Variants in CCDC141 observed in about 807,000 individuals in gnomAD.
The protein encoded by CCDC141 is coiled-coil domain-containing protein 141.
In CCDC141, 168 loss-of-function variants were observed where a neutral mutation model predicts 181.0. That is an observed-to-expected ratio of 0.93 (90% CI 0.82 to 1.05). The LOEUF (loss-of-function observed/expected upper bound fraction) is 1.05, where lower values mean the gene tolerates loss of function less well. Among genes scored for constraint, CCDC141 ranks in the 50% least tolerant of loss-of-function variants. CCDC141 has a pLI of 0.00. For synonymous variants in CCDC141, 666 were observed against 642.3 expected, an observed-to-expected ratio of 1.04 and a Z score of -0.56; for missense variants, 1,902 against 1,788.5, an observed-to-expected ratio of 1.06 and a Z score of -1.14.
chr2:178,938,906 A>G (rs1014317847), intron 6 of CCDC141, among the ~76,000 whole-genome samples: 1 of 152,156 alleles, frequency 6.6e-6, no homozygotes, highest in Non-Finnish European at 1.5e-5. Flanking sequence ...TAGATATTGC[A>G]TTGCTCCCAG....
chr2:178,876,748 G>A (rs1686373864), intron 12 of CCDC141: 3 of 152,102 alleles, frequency 2.0e-5, no homozygotes, highest in Admixed American at 6.5e-5. Context: ...TTAAACCCAA[G>A]ACAGATGGCT....
At position 178,872,315 on chromosome 2, in the gene CCDC141, G is replaced by A; in HGVS notation, c.1900-3C>T. On this transcript the variant is annotated splice_region_variant and splice_polypyrimidine_tract_variant and intron_variant, in intron 12 of 23. Transcript: ENST00000443758. ...TCTAATATCTCGTTCTCTTTTGCCTGTTAAATTAATAATTCATATAATAGC... is the reference window on the plus strand; with the variant it reads ...TCTAATATCTCGTTCTCTTTTGCCTATTAAATTAATAATTCATATAATAGC... 6.2e-7 allele frequency: 1 copy of A among 1,601,446 alleles called. No individual in the cohort carries two copies. The highest frequency in any genetic ancestry group is 2.2e-5 in the East Asian group (1 of 44,628).
At position 178,845,700 on chromosome 2, in the gene CCDC141, G is replaced by A. The variant is rs1486876999; in HGVS notation, c.3400C>T (p.His1134Tyr). ...LKMNPNLEDF[H>Y]YDYIDLLKEP... ...TTTAGCAAGTCAATGTAATCATAAT[G>A]GAAGTCTTCCAAATTCGGATTCATC... Residue 1134 changes from histidine to tyrosine, a missense_variant, in exon 22 of 24, where the codon CAT becomes TAT. His to Tyr is a moderately conservative substitution (Grantham distance 83). Coordinates refer to ENST00000443758, the MANE Select transcript of CCDC141 (RefSeq NM_173648.4). 1.2e-6 allele frequency: 2 copies of A among 1,612,216 alleles called. No homozygotes were observed. The highest frequency in any genetic ancestry group is 1.7e-6 in the Non-Finnish European group (2 of 1,178,466).
At chr2:178,960,807 T>C (rs1575270772) in intron 5 of CCDC141, among the ~76,000 whole-genome samples, 1 of 152,210 alleles carries the variant, frequency 6.6e-6, no homozygotes, top group Admixed American at 6.5e-5. Context: ...AAGAACATTA[T>C]CTCTATTTTG....
Position 178,872,400 on chromosome 2 carries a change from T to C in CCDC141, c.1900-88A>G. On this transcript the variant is annotated intron_variant, in intron 12 of 23. Coordinates refer to ENST00000443758, the MANE Select transcript of CCDC141 (RefSeq NM_173648.4). ...TATAACTATTTTACGAGGCAAATTC[T>C]TTATCACAACCAAAGCCGAAGATGG... is the stretch of plus-strand genomic sequence containing the variant. 9 of 1,227,510 alleles carry C rather than the reference T, an allele frequency of 7.3e-6. No homozygotes were observed. The South Asian group carries it at 1.4e-4, about 19-fold the overall frequency. 76.0% of individuals were successfully genotyped at this position (1,227,510 alleles called of 1,614,324 possible).
chr2:178,909,758 C>A (rs1688140147), intron 7 of CCDC141, among the ~76,000 whole-genome samples: 1 of 152,184 alleles, frequency 6.6e-6, no homozygotes, highest in Non-Finnish European at 1.5e-5. Context: ...CCCTTTGTTG[C>A]ACACACAGTA....
At chr2:178,920,638 C>T (rs1160653164) in intron 6 of CCDC141, among the ~76,000 whole-genome samples, 1 of 151,660 alleles carries the variant, frequency 6.6e-6, no homozygotes, top group African/African-American at 2.4e-5. Context: ...GTAGGAGGAT[C>T]GCTTGAGACC....
chr2:179,042,194 G>T (rs2043328040), intron 2 of CCDC141, among the ~76,000 whole-genome samples: 1 of 152,270 alleles, frequency 6.6e-6, no homozygotes, highest in African/African-American at 2.4e-5. Flanking sequence ...CAATGCAAAA[G>T]AAGTGAAATC....
chr2:179,015,082 A>ATAT (rs1553502707), intron 2 of CCDC141, among the ~76,000 whole-genome samples: 1 of 40,112 alleles, frequency 2.5e-5, no homozygotes, highest in African/African-American at 7.7e-5. Flanking sequence ...ATATATATAT[A>ATAT]TATATATATA....
chr2:178,821,315 C>T, the CCDC141 span, among the ~76,000 whole-genome samples: 3 of 152,200 alleles, frequency 2.0e-5, no homozygotes, highest in East Asian at 3.9e-4. Flanking sequence ...AAAAAGTACA[C>T]TATTCTGAGC....
chr2:178,871,667 TC>T (rs1686126608), intron 13 of CCDC141, 115 bp from the exon 14 acceptor site: 17 of 1,191,500 alleles, frequency 1.4e-5, no homozygotes, highest in Non-Finnish European at 1.9e-5. Flanking sequence ...ATGAAAACAC[TC>T]AGGATGTGGC....
chr2:178,937,323 G>A (rs1689330618), intron 6 of CCDC141, among the ~76,000 whole-genome samples: 1 of 152,054 alleles, frequency 6.6e-6, no homozygotes, highest in South Asian at 2.1e-4. Context: ...TTTATTGAAA[G>A]CCTCTTCCAC....
the CCDC141 span, among the ~76,000 whole-genome samples, chr2:178,815,766 T>C: frequency 2.6e-5 from 4 of 152,196 alleles, no homozygotes; most frequent in Admixed American, 2.0e-4. Flanking sequence ...AATAGTTATG[T>C]TGTATTTTTT....
At chr2:179,026,374 G>A (rs939236057) in intron 2 of CCDC141, among the ~76,000 whole-genome samples, 4 of 152,206 alleles carry the variant, frequency 2.6e-5, no homozygotes, top group South Asian at 2.1e-4. Flanking sequence ...CTCAGGCCAT[G>A]GCTTCAGAGG....
chr2:178,869,153 C>A lies in CCDC141; in HGVS notation c.2358G>T (p.Leu786=). The change falls in exon 15 of 24, where the codon CTG becomes CTT. Residue 786 remains leucine (L), a synonymous_variant. Coordinates refer to ENST00000443758, the MANE Select transcript of CCDC141 (RefSeq NM_173648.4). ...KERIQDYEDI[L]YKVVQFHQVK... is the part of the protein sequence containing the mutation. ...CTTGATGGAACTGGACCACCTTGTACAGGATATCCTCGTAATCCTGGATTC... is the reference window on the plus strand; with the variant it reads ...CTTGATGGAACTGGACCACCTTGTAAAGGATATCCTCGTAATCCTGGATTC... The A allele has an allele frequency of 1.2e-6, 2 of 1,611,686 alleles. No individual in the cohort carries two copies. Among genetic ancestry groups the A allele is most frequent in the East Asian group, 2.2e-5 (1 of 44,828 alleles).
At chr2:178,823,214 A>G in the CCDC141 span, among the ~76,000 whole-genome samples, 1 of 152,166 alleles carries the variant, frequency 6.6e-6, no homozygotes, top group East Asian at 1.9e-4. Context: ...TCATTTATTA[A>G]GTGCATTTTG....
intron 17 of CCDC141, among the ~76,000 whole-genome samples, chr2:178,858,263 T>A (rs747431518): frequency 2.0e-5 from 3 of 152,194 alleles, no homozygotes; most frequent in Non-Finnish European, 4.4e-5. Flanking sequence ...GATATATTTG[T>A]GAAATAACTA....
At chr2:179,002,381 T>C (rs901901500) in intron 2 of CCDC141, 5 of 306,136 alleles carry the variant, frequency 1.6e-5, no homozygotes, top group Admixed American at 4.3e-5. Flanking sequence ...ATGTTCTCAA[T>C]TGACTTATTG....
intron 12 of CCDC141, 47 bp from the exon 13 acceptor site, chr2:178,872,359 A>C: frequency 1.3e-6 from 2 of 1,520,704 alleles, no homozygotes; most frequent in Non-Finnish European, 1.8e-6. Flanking sequence ...CCCAAGAGAT[A>C]CAGCTTTTTG....
Sources: allele counts gnomAD v4.1 joint callset (sites outside exome capture counted in the v4.1 genomes callset), GRCh38; gene constraint gnomAD v4.1.1; transcripts MANE v1.5; gene names NCBI Gene and HGNC (gene_info 2026-07-23, HGNC 2026-07-21).